GPSM2: variants seen among roughly 807,000 people sequenced by gnomAD.
The protein encoded by GPSM2 is G protein-signaling modulator 2.
GPSM2 carries 58 observed loss-of-function variants against 78.4 expected under a neutral mutation model. The ratio of observed to expected loss-of-function variants is 0.74; its 90% CI spans 0.60 to 0.92. The LOEUF (loss-of-function observed/expected upper bound fraction) is 0.92. GPSM2 is among the 40% of genes least tolerant of loss of function. GPSM2 has a pLI of 0.00. For missense variants in GPSM2, 700 were observed against 815.5 expected, an observed-to-expected ratio of 0.86 and a Z score of 1.73; for synonymous variants, 224 against 280.2, an observed-to-expected ratio of 0.80 and a Z score of 2.00.
chr1:108,926,028 AAAG>A (rs1651091659), intron 14 of GPSM2, among the ~76,000 whole-genome samples: 1 of 152,162 alleles, frequency 6.6e-6, no homozygotes, highest in South Asian at 2.1e-4. Context: ...CTCACCAAAG[AAAG>A]AAGTAGTCAT....
In GPSM2 at chr1:108,880,455, G is replaced by T. The variant is rs151309635; in HGVS notation, c.-249+3227G>T. 2.2e-3 allele frequency among the ~76,000 whole-genome samples: 342 copies of T among 152,166 alleles called. 1 individual carries two copies. In the South Asian group the frequency reaches 0.024, roughly 11 times the overall value. ...ATAAAAATACAAAAATTAGCCAGGC[G>T]TGGTGCTGGGCACCTGTGGGAGGCT... On this transcript the variant is annotated intron_variant, in intron 1 of 14. Transcript: ENST00000264126.
At chr1:108,893,239 T>G (rs2101374781) in intron 2 of GPSM2, among the ~76,000 whole-genome samples, 1 of 152,358 alleles carries the variant, frequency 6.6e-6, no homozygotes, top group Middle Eastern at 3.4e-3. Flanking sequence ...ATATGAATAT[T>G]GGCAAACACT....
chr1:108,920,570 C>A (rs866810725), intron 12 of GPSM2, among the ~76,000 whole-genome samples: 10 of 151,608 alleles, frequency 6.6e-5, no homozygotes, highest in Admixed American at 1.3e-4. Context: ...GTCAGCATTT[C>A]ATTTATACCT....
intron 1 of GPSM2, among the ~76,000 whole-genome samples, chr1:108,881,193 A>G (rs568362839): frequency 3.3e-5 from 5 of 152,278 alleles, no homozygotes; most frequent in South Asian, 4.2e-4. Flanking sequence ...CCTTTTCTTT[A>G]TGGTTAGATG....
rs1277031771 is a variant in GPSM2 at position 108,923,961 on chromosome 1, G to T, written c.1601-39G>T. On this transcript the variant is annotated intron_variant, in intron 13 of 14. Coordinates refer to ENST00000264126, the MANE Select transcript of GPSM2 (RefSeq NM_013296.5). ...TAGGTTTTTTTGTTTTTTGTTTTTT[G>T]TTTTTTTTTAATCTTTGGCTTTCTT... 3.0e-5 allele frequency: 41 copies of T among 1,362,666 alleles called. No homozygotes were observed. The highest frequency in any genetic ancestry group is 6.9e-5 in the Admixed American group (4 of 57,852). The allele number at this position is 1,362,666 out of a possible 1,614,324, so 84.4% of individuals were successfully genotyped here. A position where few individuals can be genotyped will look rare whatever the true frequency, so the allele number is the denominator to read the frequency against.
intron 3 of GPSM2, 71 bp downstream of exon 3, chr1:108,897,156 A>C (rs76912699): frequency 1.7e-6 from 2 of 1,150,556 alleles, no homozygotes; most frequent in Non-Finnish European, 2.6e-6. Flanking sequence ...ATTTCTATTC[A>C]ATTAACAAAA....
rs114558565 is a variant in GPSM2, at chr1:108,929,756, C to T, written c.1871C>T (p.Pro624Leu). 104 of 1,613,030 alleles carry T rather than the reference C, an allele frequency of 6.4e-5. No individual in the cohort carries two copies. The African/African-American group carries it at 9.7e-4, about 15-fold the overall frequency. ...CAPPPATTKGPTVPDEDFFSL... is the reference protein window; with the variant it reads ...CAPPPATTKGLTVPDEDFFSL... The stretch of plus-strand genomic sequence containing the variant: ...CCACCACCTGCTACCACAAAGGGTC[C>T]GACAGTACCAGATGAAGACTTTTTC... Residue 624 changes from proline to leucine, a missense_variant, in exon 15 of 15, where the codon CCG becomes CTG. By Grantham distance (98) the Pro-to-Leu change is moderately conservative (BLOSUM62 -3). Coordinates refer to ENST00000264126, the MANE Select transcript of GPSM2 (RefSeq NM_013296.5).
At chr1:108,903,589 A>G (rs1648993138) in intron 9 of GPSM2, among the ~76,000 whole-genome samples, 1 of 152,192 alleles carries the variant, frequency 6.6e-6, no homozygotes, top group South Asian at 2.1e-4. Flanking sequence ...TCTGCCACTT[A>G]CTGGCTATTT....
intron 12 of GPSM2, 132 bp downstream of exon 12, chr1:108,918,921 A>C: frequency 1.5e-6 from 1 of 669,830 alleles, no homozygotes; most frequent in South Asian, 1.8e-5. Flanking sequence ...ATATTTCCCT[A>C]TCTTTTCTAT....
intron 1 of GPSM2, among the ~76,000 whole-genome samples, chr1:108,882,149 G>T (rs1013694844): frequency 1.3e-5 from 2 of 152,128 alleles, no homozygotes; most frequent in Non-Finnish European, 2.9e-5. Flanking sequence ...ACGGGGTCTT[G>T]TACGTTGCCT....
At chr1:108,912,354 C>G (rs1649818547) in intron 10 of GPSM2, among the ~76,000 whole-genome samples, 1 of 152,024 alleles carries the variant, frequency 6.6e-6, no homozygotes, top group Non-Finnish European at 1.5e-5. Context: ...AGTAGAGAGC[C>G]TATATTCCTC....
Position 108,898,008 on chromosome 1 carries a change from A to G in GPSM2, c.464A>G (p.Lys155Arg). 6.2e-7 allele frequency: 1 copy of G among 1,614,030 alleles called. No individual in the cohort carries two copies. Among genetic ancestry groups the G allele is most frequent in the Non-Finnish European group, 8.5e-7 (1 of 1,179,882 alleles). Residue 155 changes from lysine to arginine, a missense_variant, in exon 5 of 15, where the codon AAA becomes AGA. Physicochemically the swap from Lys to Arg is conservative, Grantham distance 26. Coordinates refer to ENST00000264126, the MANE Select transcript of GPSM2 (RefSeq NM_013296.5). ...LYNLGNVYHAKGKSFGCPGPQ... is the reference protein window; with the variant it reads ...LYNLGNVYHARGKSFGCPGPQ... ...AATCTTGGGAATGTGTATCATGCCA[A>G]AGGGAAAAGTTTTGGTTGCCCTGGT...
chr1:108,917,678 A>G (rs947934298), intron 11 of GPSM2, among the ~76,000 whole-genome samples: 2 of 91,896 alleles, frequency 2.2e-5, no homozygotes, highest in East Asian at 4.0e-4. Context: ...ATGAGTTCTC[A>G]CTATGTTGTC....
Position 108,901,850 on chromosome 1 carries a change from C to G in GPSM2, c.858C>G (p.Tyr286Ter). 1.2e-6 allele frequency: 2 copies of G among 1,610,894 alleles called. No individual in the cohort carries two copies. The highest frequency in any genetic ancestry group is 1.7e-6 in the Non-Finnish European group (2 of 1,177,082). Reference sequence around the variant, plus strand: ...GAGCTGTAGAAGCACAGTCTTGTTACAGTCTTGGAAATACATATACTTTAC... The same window carrying G: ...GAGCTGTAGAAGCACAGTCTTGTTAGAGTCTTGGAAATACATATACTTTAC... Reference protein sequence around the residue: ...KDRAVEAQSCYSLGNTYTLLQ... With the variant: ...KDRAVEAQSC The change falls in exon 8 of 15, where the codon TAC becomes TAG. Residue 286 changes from tyrosine (Y) to a stop codon, truncating the protein, a stop_gained. Coordinates refer to ENST00000264126, the MANE Select transcript of GPSM2 (RefSeq NM_013296.5). LOFTEE classifies it high-confidence loss of function.
intron 10 of GPSM2, among the ~76,000 whole-genome samples, chr1:108,910,494 G>A (rs929536348): frequency 6.6e-6 from 1 of 152,156 alleles, no homozygotes; most frequent in African/African-American, 2.4e-5. Context: ...GTAAATTACC[G>A]GCCAGCCTTA....
chr1:108,914,695 T>C (rs1307964488), intron 11 of GPSM2, among the ~76,000 whole-genome samples: 2 of 152,230 alleles, frequency 1.3e-5, no homozygotes, highest in Non-Finnish European at 2.9e-5. Context: ...GGAAGAGGAC[T>C]GAGTGTCTGG....
chr1:108,897,481 G>GT lies in GPSM2; in HGVS notation c.279-4dup, dbSNP rs769667218. Reference sequence around the variant, plus strand: ...TTTGGTTTTTTGTTTTTTGTTTTTTGTTTTTTTCAGGACTATTGGAGACCA... The same window carrying GT: ...TTTGGTTTTTTGTTTTTTGTTTTTTGTTTTTTTTCAGGACTATTGGAGACCA... On this transcript the variant is annotated splice_polypyrimidine_tract_variant and intron_variant, in intron 3 of 14. Coordinates refer to ENST00000264126, the MANE Select transcript of GPSM2 (RefSeq NM_013296.5). The GT allele has an allele frequency of 6.3e-6, 10 of 1,599,090 alleles. No homozygotes were observed. Among genetic ancestry groups the GT allele is most frequent in the South Asian group, 5.6e-5 (5 of 89,318 alleles).
At chr1:108,892,411 T>A (rs566055761) in intron 2 of GPSM2, among the ~76,000 whole-genome samples, 9 of 152,278 alleles carry the variant, frequency 5.9e-5, no homozygotes. Context: ...AAAATTGAAA[T>A]GACATGAGTT....
In GPSM2 at chr1:108,929,698, T is replaced by C; in HGVS notation, c.1816-3T>C. 3 of 1,613,050 alleles carry C rather than the reference T, an allele frequency of 1.9e-6. No individual in the cohort carries two copies. Among genetic ancestry groups the C allele is most frequent in the South Asian group, 1.1e-5 (1 of 91,064 alleles). On this transcript the variant is annotated splice_region_variant and splice_polypyrimidine_tract_variant and intron_variant, in intron 14 of 14. Transcript: ENST00000264126. ...TCTTTTAATCTCTCTCATAAACTTC[T>C]AGGGATCCAGATTAGATGATCAAAG...
Sources: allele counts gnomAD v4.1 joint callset (sites outside exome capture counted in the v4.1 genomes callset), GRCh38; gene constraint gnomAD v4.1.1; transcripts MANE v1.5; gene names NCBI Gene and HGNC (gene_info 2026-07-23, HGNC 2026-07-21).